The following CRIM1 variants were observed in gnomAD, a reference collection of about 807,000 sequenced individuals.
CRIM1 encodes the protein cysteine-rich motor neuron 1 protein.
In CRIM1, 32 loss-of-function variants were observed where a neutral mutation model predicts 116.4. The observed-to-expected ratio is 0.27, with a 90% CI of 0.21 to 0.37. The LOEUF (loss-of-function observed/expected upper bound fraction) is 0.37, where lower values mean the gene tolerates loss of function less well. Ranked by LOEUF, CRIM1 falls within the 10% of genes least tolerant of loss-of-function variation. The pLI, the probability that CRIM1 is intolerant of heterozygous loss-of-function variation, is 1.00. For missense variants in CRIM1, 1,331 were observed against 1,354.8 expected, an observed-to-expected ratio of 0.98 and a Z score of 0.28; for synonymous variants, 590 against 509.2, an observed-to-expected ratio of 1.16 and a Z score of -2.13.
At chr2:36,492,798 A>G (rs748212670) in intron 7 of CRIM1, among the ~76,000 whole-genome samples, 3 of 152,072 alleles carry the variant, frequency 2.0e-5, no homozygotes, top group African/African-American at 4.8e-5. Context: ...GAATTTTCCT[A>G]CTCATTGGAT....
At chr2:36,373,022 A>AG (rs1449351268) in intron 1 of CRIM1, among the ~76,000 whole-genome samples, 5 of 152,216 alleles carry the variant, frequency 3.3e-5, no homozygotes, top group Non-Finnish European at 7.3e-5. Context: ...AAGCTTAAAA[A>AG]TCTGTTCCCA....
At chr2:36,411,734 C>T (rs1002992051) in intron 2 of CRIM1, among the ~76,000 whole-genome samples, 2 of 151,884 alleles carry the variant, frequency 1.3e-5, no homozygotes, top group African/African-American at 4.8e-5. Context: ...AATAGTGTTA[C>T]ATTCTCTGGT....
intron 1 of CRIM1, among the ~76,000 whole-genome samples, chr2:36,390,485 G>GT (rs1671488779): frequency 6.6e-6 from 1 of 152,206 alleles, no homozygotes; most frequent in Admixed American, 6.5e-5. Context: ...AGGGCACGGG[G>GT]TGTTGAAGAT....
At chr2:36,512,478 G>A (rs1193360295) in intron 10 of CRIM1, 84 bp downstream of exon 10, 4 of 1,433,280 alleles carry the variant, frequency 2.8e-6, no homozygotes, top group Non-Finnish European at 3.8e-6. Flanking sequence ...GTAATGAAAT[G>A]GTTTCGGTGG....
Position 36,551,008 on chromosome 2 carries a change from A to G in CRIM1, c.*2307A>G, listed in dbSNP as rs903744084. ...GAAAAATATAATTTCCTGAAGAATA[A>G]AATAGATATATGGCACTTGGAGTGC... On this transcript the variant is annotated 3_prime_UTR_variant, in exon 17 of 17. Transcript: ENST00000280527. 6.6e-6 allele frequency: 1 copy of G among 152,644 alleles called. No homozygotes were observed. The highest frequency in any genetic ancestry group is 2.4e-5 in the African/African-American group (1 of 41,450). 9.5% of individuals were successfully genotyped at this position (152,644 alleles called of 1,614,324 possible).
At chr2:36,375,378 A>G (rs1252677108) in intron 1 of CRIM1, among the ~76,000 whole-genome samples, 1 of 152,264 alleles carries the variant, frequency 6.6e-6, no homozygotes, top group African/African-American at 2.4e-5. Flanking sequence ...TTCAGAAGGT[A>G]TATAGCACCT....
chr2:36,502,099 A>G (rs1242555620), intron 8 of CRIM1, among the ~76,000 whole-genome samples: 1 of 152,224 alleles, frequency 6.6e-6, no homozygotes, highest in East Asian at 1.9e-4. Context: ...TACAGATTTC[A>G]TTGTGTCCAG....
intron 1 of CRIM1, among the ~76,000 whole-genome samples, chr2:36,361,601 G>A (rs1669228230): frequency 6.6e-6 from 1 of 152,176 alleles, no homozygotes; most frequent in Admixed American, 6.5e-5. Flanking sequence ...CTTAGCACAA[G>A]TATATCATCC....
intron 2 of CRIM1, among the ~76,000 whole-genome samples, chr2:36,408,888 C>G (rs1261196790): frequency 6.6e-6 from 1 of 151,814 alleles, no homozygotes; most frequent in Non-Finnish European, 1.5e-5. Flanking sequence ...GTGATCATTT[C>G]AAATGTTCTT....
intron 2 of CRIM1, among the ~76,000 whole-genome samples, chr2:36,405,041 CTG>C (rs1672683875): frequency 6.6e-6 from 1 of 152,088 alleles, no homozygotes; most frequent in Non-Finnish European, 1.5e-5. Flanking sequence ...CAACCCTGTG[CTG>C]TGTGTGGCCT....
chr2:36,540,807 G>A (rs1043517760), intron 14 of CRIM1, among the ~76,000 whole-genome samples: 2 of 152,112 alleles, frequency 1.3e-5, no homozygotes, highest in Admixed American at 6.5e-5. Context: ...AAATGTCCTC[G>A]GTGTGATAAC....
chr2:36,548,828 A>T lies in CRIM1; in HGVS notation c.*127A>T, dbSNP rs1432280494. On this transcript the variant is annotated 3_prime_UTR_variant, in exon 17 of 17. Coordinates refer to ENST00000280527, the MANE Select transcript of CRIM1 (RefSeq NM_016441.3). ...TTGTGACTTGATGTACAGCGCTAAG[A>T]CCTTACTGGGATGGGCTCTGTCTAC... 2.9e-6 allele frequency: 2 copies of T among 701,468 alleles called. No individual in the cohort carries two copies. The highest frequency in any genetic ancestry group is 4.6e-6 in the Non-Finnish European group (2 of 436,404). 43.5% of individuals were successfully genotyped at this position (701,468 alleles called of 1,614,324 possible).
chr2:36,468,309 G>T (rs184400606), intron 5 of CRIM1, among the ~76,000 whole-genome samples: 13 of 152,232 alleles, frequency 8.5e-5, no homozygotes, highest in Non-Finnish European at 1.5e-4. Context: ...TCGAAAACTC[G>T]TGAGTTTTGA....
chr2:36,467,394 A>G (rs545501946), intron 5 of CRIM1, among the ~76,000 whole-genome samples: 9 of 152,212 alleles, frequency 5.9e-5, no homozygotes, highest in Non-Finnish European at 1.3e-4. Flanking sequence ...ACACACACAT[A>G]TATATTGATA....
intron 5 of CRIM1, among the ~76,000 whole-genome samples, chr2:36,474,465 A>T (rs996594415): frequency 6.6e-6 from 1 of 152,128 alleles, no homozygotes; most frequent in African/African-American, 2.4e-5. Context: ...TTGTATTTAG[A>T]TCATAACTCT....
intron 7 of CRIM1, 128 bp downstream of exon 7, chr2:36,479,822 A>G (rs1188819339): frequency 5.8e-6 from 5 of 858,030 alleles, no homozygotes; most frequent in South Asian, 1.6e-5. Flanking sequence ...CCAGTTGCCA[A>G]CAAATTTATC....
chr2:36,392,109 G>C (rs944148004), intron 1 of CRIM1, among the ~76,000 whole-genome samples: 1 of 152,132 alleles, frequency 6.6e-6, no homozygotes, highest in Non-Finnish European at 1.5e-5. Context: ...GAGAAAAAGT[G>C]TTATATTTCA....
In CRIM1 at chr2:36,479,427, T is replaced by G. The variant is rs1679233938; in HGVS notation, c.1175-70T>G. ...ATGACTAGAACCCAGGGAAAAAATG[T>G]CTCTGGGTACTGACAGAGATAAGAT... On this transcript the variant is annotated intron_variant, in intron 6 of 16. Coordinates refer to ENST00000280527, the MANE Select transcript of CRIM1 (RefSeq NM_016441.3). The G allele has an allele frequency of 3.3e-6, 5 of 1,496,586 alleles. No individual in the cohort carries two copies. The Admixed American group carries it at 5.1e-5, about 15-fold the overall frequency. 92.7% of individuals were successfully genotyped at this position (1,496,586 alleles called of 1,614,324 possible). A position where few individuals can be genotyped will look rare whatever the true frequency, so the allele number is the denominator to read the frequency against.
At chr2:36,456,007 A>C (rs369207394) in intron 4 of CRIM1, among the ~76,000 whole-genome samples, 14 of 152,254 alleles carry the variant, frequency 9.2e-5, no homozygotes, top group African/African-American at 3.4e-4. Flanking sequence ...GCATGCTTAA[A>C]GTCATCTGTT....
Sources: gnomAD v4.1 joint callset for allele counts (sites outside exome capture counted in the v4.1 genomes callset) on GRCh38, gnomAD v4.1.1 for gene constraint, MANE v1.5 for transcripts, NCBI Gene and HGNC (gene_info 2026-07-23, HGNC 2026-07-21) for gene names.